Variants in NBAS observed in about 807,000 individuals in gnomAD.
NBAS encodes the protein NBAS subunit of NRZ tethering complex.
NBAS carries 219 observed loss-of-function variants against 302.5 expected under a neutral mutation model. The ratio of observed to expected loss-of-function variants is 0.72; its 90% CI spans 0.65 to 0.81. NBAS has a LOEUF of 0.81. NBAS is among the 30% of genes least tolerant of loss of function. The pLI is 0.00. For missense variants in NBAS, 2,932 were observed against 2,841.6 expected, an observed-to-expected ratio of 1.03 and a Z score of -0.72; for synonymous variants, 1,118 against 1,021.6, an observed-to-expected ratio of 1.09 and a Z score of -1.80.
intron 30 of NBAS, among the ~76,000 whole-genome samples, chr2:15,375,434 G>A (rs377722741): frequency 6.6e-6 from 1 of 152,124 alleles, no homozygotes; most frequent in Non-Finnish European, 1.5e-5. Context: ...AGGCGGTAAC[G>A]GGCTCATGAA....
At chr2:15,285,041 A>G (rs1353065052) in intron 42 of NBAS, among the ~76,000 whole-genome samples, 2 of 152,194 alleles carry the variant, frequency 1.3e-5, no homozygotes, top group Non-Finnish European at 2.9e-5. Context: ...CATTCAATGA[A>G]AGAAAAAAGA....
the NBAS span, among the ~76,000 whole-genome samples, chr2:14,994,770 C>A: frequency 1.3e-5 from 2 of 152,210 alleles, no homozygotes; most frequent in African/African-American, 4.8e-5. Flanking sequence ...AGGAACAAGG[C>A]TGTCTTCCTC....
chr2:15,392,048 C>T (rs1675634185), intron 28 of NBAS, among the ~76,000 whole-genome samples: 1 of 151,526 alleles, frequency 6.6e-6, no homozygotes, highest in South Asian at 2.1e-4. Context: ...AGAAGCCTTC[C>T]AGACAAAAAG....
intron 1 of NBAS, among the ~76,000 whole-genome samples, chr2:15,560,390 T>C (rs1664855453): frequency 6.6e-6 from 1 of 152,152 alleles, no homozygotes; most frequent in African/African-American, 2.4e-5. Flanking sequence ...AACCCTTCTG[T>C]AGCGGAGATC....
chr2:15,129,355 G>C, the NBAS span, among the ~76,000 whole-genome samples: 141 of 152,294 alleles, frequency 9.3e-4, 3 homozygotes, highest in East Asian at 0.019. Context: ...AAATTCCAAG[G>C]CTCACTGTGC....
chr2:15,098,623 T>TAC, the NBAS span, among the ~76,000 whole-genome samples: 3 of 132,968 alleles, frequency 2.3e-5, no homozygotes, highest in Non-Finnish European at 3.1e-5. Flanking sequence ...ATGTATTATA[T>TAC]ATTGTATATT....
At chr2:14,845,764 C>A in the NBAS span, among the ~76,000 whole-genome samples, 8 of 152,082 alleles carry the variant, frequency 5.3e-5, no homozygotes, top group Non-Finnish European at 8.8e-5. Flanking sequence ...ATACAATTCA[C>A]AGGCTGAAGA....
At chr2:15,348,774 A>G (rs1363327543) in intron 35 of NBAS, among the ~76,000 whole-genome samples, 2 of 152,094 alleles carry the variant, frequency 1.3e-5, no homozygotes, top group Non-Finnish European at 2.9e-5. Flanking sequence ...GGTGTTTCCA[A>G]CTGAGCTTTA....
chr2:15,527,074 T>C (rs980436470), intron 9 of NBAS, among the ~76,000 whole-genome samples: 3 of 127,626 alleles, frequency 2.4e-5, no homozygotes, highest in African/African-American at 9.1e-5. Flanking sequence ...AGATACAAAA[T>C]ACCCTTCTTT....
At chr2:15,402,544 A>C (rs1676206164) in intron 25 of NBAS, among the ~76,000 whole-genome samples, 1 of 152,182 alleles carries the variant, frequency 6.6e-6, no homozygotes, top group Non-Finnish European at 1.5e-5. Flanking sequence ...CTGAAAACAG[A>C]TTCTTCAATT....
the NBAS span, among the ~76,000 whole-genome samples, chr2:15,079,963 C>T: frequency 1.3e-5 from 2 of 152,090 alleles, no homozygotes; most frequent in East Asian, 1.9e-4. Flanking sequence ...GACAAATAAG[C>T]CGTGCTTTTC....
chr2:15,422,696 C>A (rs1030920830), intron 23 of NBAS, among the ~76,000 whole-genome samples: 3 of 152,090 alleles, frequency 2.0e-5, no homozygotes, highest in Admixed American at 1.3e-4. Context: ...TTTTAAAATT[C>A]ATGATACTGA....
At chr2:15,447,114 G>A (rs907850678) in intron 21 of NBAS, among the ~76,000 whole-genome samples, 1 of 152,152 alleles carries the variant, frequency 6.6e-6, no homozygotes, top group Non-Finnish European at 1.5e-5. Context: ...AAATACCAAT[G>A]GGACAGTAGT....
At chr2:15,419,000 T>C (rs1677077926) in intron 23 of NBAS, among the ~76,000 whole-genome samples, 1 of 151,826 alleles carries the variant, frequency 6.6e-6, no homozygotes, top group South Asian at 2.1e-4. Context: ...TGGACTGGAG[T>C]GAAAATAGGC....
At chr2:15,077,933 C>T in the NBAS span, among the ~76,000 whole-genome samples, 4 of 152,180 alleles carry the variant, frequency 2.6e-5, no homozygotes, top group African/African-American at 9.7e-5. Flanking sequence ...CTGCCCGCCT[C>T]AGCCTCCCAA....
At chr2:15,236,246 C>T (rs1474230936) in intron 45 of NBAS, among the ~76,000 whole-genome samples, 3 of 152,014 alleles carry the variant, frequency 2.0e-5, no homozygotes, top group Non-Finnish European at 4.4e-5. Context: ...TGAATCCCCC[C>T]ATAAACTATT....
the NBAS span, among the ~76,000 whole-genome samples, chr2:15,033,340 AT>A: frequency 6.6e-6 from 1 of 152,068 alleles, no homozygotes; most frequent in Non-Finnish European, 1.5e-5. Context: ...CCAGAGAGAA[AT>A]TTTTTCTCCA....
At chr2:15,345,934 G>A (rs774794603) in intron 35 of NBAS, among the ~76,000 whole-genome samples, 7 of 152,188 alleles carry the variant, frequency 4.6e-5, no homozygotes, top group South Asian at 4.2e-4. Flanking sequence ...AAATGGTGGC[G>A]GGAGAACTGG....
chr2:15,531,479 G>C (rs1387643946), intron 9 of NBAS, among the ~76,000 whole-genome samples: 1 of 152,158 alleles, frequency 6.6e-6, no homozygotes, highest in Non-Finnish European at 1.5e-5. Context: ...TTTACACTAT[G>C]GGGGTGAGTT....
Sources: allele counts gnomAD v4.1 joint callset (sites outside exome capture counted in the v4.1 genomes callset), GRCh38; gene constraint gnomAD v4.1.1; transcripts MANE v1.5; gene names NCBI Gene and HGNC (gene_info 2026-07-23, HGNC 2026-07-21).